The following ZBBX variants were observed in gnomAD, a reference collection of about 807,000 sequenced individuals.
ZBBX encodes zinc finger B-box domain containing.
A neutral mutation model predicts 108.5 loss-of-function variants in ZBBX; 101 were observed. That is an observed-to-expected ratio of 0.93 (90% confidence interval 0.79 to 1.10). ZBBX has a LOEUF of 1.10. Among genes scored for constraint, ZBBX ranks in the 50% least tolerant of loss-of-function variants. ZBBX has a pLI of 0.00. For missense variants in ZBBX, 1,009 were observed against 941.4 expected (o/e 1.07, Z -0.94); for synonymous variants, 356 against 323.4 (o/e 1.10, Z -1.08).
chr3:167,400,695 C>T (rs111272278), intron 1 of ZBBX, among the ~76,000 whole-genome samples: 18 of 151,984 alleles, frequency 1.2e-4, no homozygotes, highest in East Asian at 3.9e-4. Context: ...GAGGTCCTGA[C>T]GACACATGCA....
At chr3:167,257,630 T>C (rs895476099) in intron 20 of ZBBX, among the ~76,000 whole-genome samples, 2 of 152,112 alleles carry the variant, frequency 1.3e-5, no homozygotes, top group African/African-American at 4.8e-5. Flanking sequence ...TCAGCATCAA[T>C]TGAAATGATC....
chr3:167,332,150 C>G (rs1638426154), intron 10 of ZBBX, among the ~76,000 whole-genome samples: 1 of 152,076 alleles, frequency 6.6e-6, no homozygotes, highest in Non-Finnish European at 1.5e-5. Flanking sequence ...GTTGGAGGAG[C>G]ACTGCTCTTT....
the ZBBX span, among the ~76,000 whole-genome samples, chr3:167,190,977 G>A: frequency 6.6e-6 from 1 of 152,192 alleles, no homozygotes; most frequent in African/African-American, 2.4e-5. Context: ...ACAGCTCCCA[G>A]CATTGTCCTG....
At chr3:167,373,541 A>T (rs1163476515) in intron 3 of ZBBX, among the ~76,000 whole-genome samples, 165 bp downstream of exon 3, 2 of 152,194 alleles carry the variant, frequency 1.3e-5, no homozygotes, top group Admixed American at 1.3e-4. Flanking sequence ...AATTTCCCCC[A>T]AATTTTACTA....
chr3:167,276,789 T>C (rs1285127740), intron 20 of ZBBX, among the ~76,000 whole-genome samples: 1 of 151,980 alleles, frequency 6.6e-6, no homozygotes, highest in Admixed American at 6.6e-5. Flanking sequence ...AGACACATAA[T>C]TGTCAGATTC....
At chr3:167,306,068 A>G in intron 16 of ZBBX, 118 bp from the exon 17 acceptor site, 1 of 725,248 alleles carries the variant, frequency 1.4e-6, no homozygotes, top group Non-Finnish European at 2.1e-6. Flanking sequence ...TATTTCACAA[A>G]TTCCTTTACT....
At chr3:167,289,794 G>A (rs955245608) in intron 18 of ZBBX, among the ~76,000 whole-genome samples, 3 of 152,254 alleles carry the variant, frequency 2.0e-5, no homozygotes, top group South Asian at 4.1e-4. Flanking sequence ...CTGGCTCATC[G>A]GTTCCCACCC....
intron 20 of ZBBX, among the ~76,000 whole-genome samples, chr3:167,249,086 C>G (rs1285605840): frequency 6.6e-6 from 1 of 152,206 alleles, no homozygotes; most frequent in Admixed American, 6.5e-5. Context: ...GTATTCTGAA[C>G]CACTAGGACT....
At chr3:167,218,663 T>G in the ZBBX span, among the ~76,000 whole-genome samples, 1 of 151,442 alleles carries the variant, frequency 6.6e-6, no homozygotes, top group African/African-American at 2.4e-5. Context: ...GTAAAGCATA[T>G]CACCAGAGAA....
At chr3:167,218,701 G>A in the ZBBX span, among the ~76,000 whole-genome samples, 2 of 151,918 alleles carry the variant, frequency 1.3e-5, no homozygotes, top group Non-Finnish European at 2.9e-5. Flanking sequence ...AAAAGAGAGT[G>A]AGAGAAAAGA....
intron 19 of ZBBX, among the ~76,000 whole-genome samples, chr3:167,283,003 A>T (rs1304399203): frequency 1.3e-5 from 2 of 152,220 alleles, no homozygotes; most frequent in African/African-American, 4.8e-5. Context: ...AGACTAATTT[A>T]CAAAATCTAT....
intron 3 of ZBBX, among the ~76,000 whole-genome samples, chr3:167,373,428 C>T (rs1180611319): frequency 2.6e-5 from 4 of 152,152 alleles, no homozygotes; most frequent in Non-Finnish European, 2.9e-5. Context: ...AAATGTAACA[C>T]GTCTGATGGA....
intron 6 of ZBBX, among the ~76,000 whole-genome samples, chr3:167,361,066 C>G (rs1382716820): frequency 6.6e-6 from 1 of 151,986 alleles, no homozygotes; most frequent in African/African-American, 2.4e-5. Flanking sequence ...TCTATTTCTG[C>G]TCTTTCTGAG....
In ZBBX at chr3:167,362,576, C is replaced by T. The variant is rs548046818; in HGVS notation, c.274-1853G>A. 2.5e-4 allele frequency among the ~76,000 whole-genome samples: 38 copies of T among 152,182 alleles called. No individual in the cohort carries two copies. In the South Asian group the frequency reaches 5.8e-3, roughly 23 times the overall value. On this transcript the variant is annotated intron_variant, in intron 6 of 21. Transcript: ENST00000675490. ...TCCTTCCAAGCCCCCACTGCCATTCCGTGGATCTTCTATTAAATAGTCATT... is the reference window on the plus strand; with the variant it reads ...TCCTTCCAAGCCCCCACTGCCATTCTGTGGATCTTCTATTAAATAGTCATT...
intron 5 of ZBBX, 32 bp downstream of exon 5, chr3:167,368,429 T>A: frequency 7.0e-7 from 1 of 1,433,136 alleles, no homozygotes; most frequent in Non-Finnish European, 9.8e-7. Context: ...ATTTAGTTGA[T>A]TCATCTAAAA....
intron 5 of ZBBX, among the ~76,000 whole-genome samples, chr3:167,367,979 TATATATATAC>T (rs57843679): frequency 0.5 from 43,375 of 86,970 alleles, 6,681 homozygotes; most frequent in South Asian, 0.54. Context: ...TATATATATA[TATATATATAC>T]ATATATATAT....
chr3:167,189,416 G>C, the ZBBX span, among the ~76,000 whole-genome samples: 1 of 152,054 alleles, frequency 6.6e-6, no homozygotes, highest in Non-Finnish European at 1.5e-5. Context: ...ACAAGTGTGT[G>C]GTGCTTCTCA....
At chr3:167,348,387 G>GAA (rs1345463239) in intron 9 of ZBBX, among the ~76,000 whole-genome samples, 54 of 122,516 alleles carry the variant, frequency 4.4e-4, no homozygotes, top group Non-Finnish European at 7.5e-4. Context: ...GAAAAGAAAA[G>GAA]AAGAAGGAGG....
At chr3:167,322,998 C>A (rs573370247) in intron 11 of ZBBX, among the ~76,000 whole-genome samples, 1 of 152,064 alleles carries the variant, frequency 6.6e-6, no homozygotes, top group African/African-American at 2.4e-5. Context: ...AGCTACGGGC[C>A]AGCAATGGAA....
Sources: gnomAD v4.1 joint callset for allele counts (sites outside exome capture counted in the v4.1 genomes callset) on GRCh38, gnomAD v4.1.1 for gene constraint, MANE v1.5 for transcripts, NCBI Gene and HGNC (gene_info 2026-07-23, HGNC 2026-07-21) for gene names.